Variants in FGF12 observed in about 807,000 individuals in gnomAD.
FGF12 encodes the protein fibroblast growth factor 12.
FGF12 carries 14 observed loss-of-function variants against 23.6 expected under a neutral mutation model. That is an observed-to-expected ratio of 0.59 (90% CI 0.39 to 0.93). The LOEUF is 0.93. Ranked by LOEUF, FGF12 falls within the 40% of genes least tolerant of loss-of-function variation. The probability of loss-of-function intolerance (pLI) is 0.00; values close to 1 mark genes in which losing one functional copy is unlikely to be tolerated. For missense variants in FGF12, 175 were observed against 217.8 expected (o/e 0.80, Z 1.24); for synonymous variants, 62 against 77.3 (o/e 0.80, Z 1.04).
chr3:192,287,592 C>T (rs553415328), intron 4 of FGF12, among the ~76,000 whole-genome samples: 1 of 152,044 alleles, frequency 6.6e-6, no homozygotes, highest in East Asian at 1.9e-4. Flanking sequence ...AACCACTAAC[C>T]CCAAAGTAGA....
chr3:192,185,471 C>G (rs895323160), intron 4 of FGF12, among the ~76,000 whole-genome samples: 2 of 152,106 alleles, frequency 1.3e-5, no homozygotes, highest in Non-Finnish European at 2.9e-5. Flanking sequence ...AGTAGACTTT[C>G]TACAAATCAA....
chr3:192,273,116 A>G (rs1330277931), intron 4 of FGF12, among the ~76,000 whole-genome samples: 1 of 152,170 alleles, frequency 6.6e-6, no homozygotes, highest in Non-Finnish European at 1.5e-5. Flanking sequence ...GTTCCCTATG[A>G]GGGGATTTAC....
intron 2 of FGF12, among the ~76,000 whole-genome samples, chr3:192,678,088 C>G (rs747264842): frequency 6.6e-6 from 1 of 152,170 alleles, no homozygotes; most frequent in Non-Finnish European, 1.5e-5. Flanking sequence ...GCTATCACAA[C>G]ACTCAATGAC....
intron 2 of FGF12, among the ~76,000 whole-genome samples, chr3:192,448,398 C>T (rs1481092861): frequency 6.6e-6 from 1 of 152,168 alleles, no homozygotes; most frequent in Non-Finnish European, 1.5e-5. Context: ...CTATTATTTA[C>T]TCCTAGTGTC....
At chr3:192,507,070 T>G in intron 2 of FGF12, among the ~76,000 whole-genome samples, 1 of 151,962 alleles carries the variant, frequency 6.6e-6, no homozygotes, top group Non-Finnish European at 1.5e-5. Context: ...TTTTTTGTAT[T>G]TTTAGTAGAG....
At chr3:192,322,309 A>G (rs1012452737) in intron 4 of FGF12, among the ~76,000 whole-genome samples, 4 of 152,176 alleles carry the variant, frequency 2.6e-5, no homozygotes, top group Non-Finnish European at 4.4e-5. Context: ...TTGATTCAAT[A>G]AATTGAAGGG....
intron 2 of FGF12, among the ~76,000 whole-genome samples, chr3:192,630,558 T>TTC (rs1715348688): frequency 6.7e-6 from 1 of 149,648 alleles, no homozygotes; most frequent in African/African-American, 2.5e-5. Context: ...AATTCAATTT[T>TTC]TTTTTTTTTT....
At chr3:192,432,480 T>C (rs1267497336) in intron 2 of FGF12, among the ~76,000 whole-genome samples, 2 of 151,844 alleles carry the variant, frequency 1.3e-5, no homozygotes, top group African/African-American at 2.4e-5. Context: ...CTGGATTGTG[T>C]TGTGTAAGAC....
At chr3:192,281,439 T>C (rs768407429) in intron 4 of FGF12, among the ~76,000 whole-genome samples, 11 of 152,140 alleles carry the variant, frequency 7.2e-5, no homozygotes, top group Non-Finnish European at 1.5e-4. Flanking sequence ...TAATTAATTA[T>C]ATATGTAGAA....
At chr3:192,201,786 G>A (rs1717380428) in intron 4 of FGF12, among the ~76,000 whole-genome samples, 1 of 152,172 alleles carries the variant, frequency 6.6e-6, no homozygotes, top group South Asian at 2.1e-4. Context: ...GCAAACGAAT[G>A]AATATTCTTC....
At chr3:192,519,016 A>G (rs539614766) in intron 2 of FGF12, among the ~76,000 whole-genome samples, 18 of 152,232 alleles carry the variant, frequency 1.2e-4, no homozygotes, top group African/African-American at 4.1e-4. Flanking sequence ...TAAGACTGAG[A>G]GTTCATACAT....
intron 4 of FGF12, among the ~76,000 whole-genome samples, chr3:192,331,923 G>C (rs1442457384): frequency 6.6e-6 from 1 of 152,076 alleles, no homozygotes; most frequent in Non-Finnish European, 1.5e-5. Context: ...ATTCAAGAAT[G>C]AAAGTGAAAG....
chr3:192,626,372 T>C (rs1008068094), intron 2 of FGF12, among the ~76,000 whole-genome samples: 2 of 152,174 alleles, frequency 1.3e-5, no homozygotes, highest in Admixed American at 6.5e-5. Context: ...TCCTTAAGTA[T>C]ACACCCTATA....
At chr3:192,298,189 A>AGG (rs1715149308) in intron 4 of FGF12, among the ~76,000 whole-genome samples, 1 of 152,230 alleles carries the variant, frequency 6.6e-6, no homozygotes, top group African/African-American at 2.4e-5. Flanking sequence ...TCAATCAATC[A>AGG]TCATTTGTTG....
rs545515774 is a variant in FGF12, at chr3:192,646,824, C to A, written c.13+80357G>T. 5.3e-5 allele frequency among the ~76,000 whole-genome samples: 8 copies of A among 152,124 alleles called. No individual in the cohort carries two copies. The South Asian group carries it at 1.5e-3, about 28-fold the overall frequency. ...CACAACTCTACGAATATACTGAAAA[C>A]CAGTACGTTGTATGTTTTAAATGGG... On this transcript the variant is annotated intron_variant, in intron 2 of 5. Transcript: ENST00000445105.
At chr3:192,419,798 A>G (rs1417537247) in intron 2 of FGF12, among the ~76,000 whole-genome samples, 1 of 152,164 alleles carries the variant, frequency 6.6e-6, no homozygotes, top group Admixed American at 6.5e-5. Context: ...GGAGATAGTC[A>G]CGGAAAGCAC....
At chr3:192,331,078 G>A (rs1318548597) in intron 4 of FGF12, among the ~76,000 whole-genome samples, 1 of 151,918 alleles carries the variant, frequency 6.6e-6, no homozygotes. Context: ...CACCAAAGAA[G>A]ATTTACAAAT....
chr3:192,600,164 T>C (rs1283431952), intron 2 of FGF12, among the ~76,000 whole-genome samples: 1 of 152,124 alleles, frequency 6.6e-6, no homozygotes, highest in Non-Finnish European at 1.5e-5. Flanking sequence ...ACAATGACTG[T>C]TCCTGGCGCC....
At chr3:192,719,786 C>CAAAAAAAAAAAAAAAAAAGAAA (rs1718981058) in intron 2 of FGF12, among the ~76,000 whole-genome samples, 1 of 102,378 alleles carries the variant, frequency 9.8e-6, no homozygotes, top group Non-Finnish European at 2.0e-5. Context: ...AGACTAAGGG[C>CAAAAAAAAAAAAAAAAAAGAAA]AAAAAAAAAA....
Sources: gnomAD v4.1 joint callset for allele counts (sites outside exome capture counted in the v4.1 genomes callset) on GRCh38, gnomAD v4.1.1 for gene constraint, MANE v1.5 for transcripts, NCBI Gene and HGNC (gene_info 2026-07-23, HGNC 2026-07-21) for gene names.